NTM: variants seen among roughly 807,000 people sequenced by gnomAD.
NTM encodes neurotrimin.
A neutral mutation model predicts 42.1 loss-of-function variants in NTM; 13 were observed. The ratio of observed to expected loss-of-function variants is 0.31; its 90% CI spans 0.20 to 0.49. The LOEUF is 0.49. Among genes scored for constraint, NTM ranks in the 20% least tolerant of loss-of-function variants. The probability of loss-of-function intolerance (pLI) is 0.99; values close to 1 mark genes in which losing one functional copy is unlikely to be tolerated. For missense variants in NTM, 373 were observed against 452.8 expected (o/e 0.82, Z 1.60); for synonymous variants, 187 against 179.2 (o/e 1.04, Z -0.35).
Position 132,297,402 on chromosome 11 carries a change from T to G in NTM, c.527-10287T>G, listed in dbSNP as rs560650400. ...GGATGCTGCTTGCAAAGGGAAAGCC[T>G]GGCTTCCCTCCTCCTTCTATGTGCA... is the stretch of plus-strand genomic sequence containing the variant. On this transcript the variant is annotated intron_variant, in intron 4 of 8. Coordinates refer to ENST00000683400, the MANE Select transcript of NTM (RefSeq NM_001352005.2). Among the ~76,000 whole-genome samples the G allele has an allele frequency of 5.9e-5, 9 of 152,304 alleles. No homozygotes were observed. The South Asian group carries it at 1.7e-3, about 28-fold the overall frequency.
intron 1 of NTM, among the ~76,000 whole-genome samples, chr11:131,709,760 A>C (rs2076933436): frequency 6.6e-6 from 1 of 152,216 alleles, no homozygotes; most frequent in Admixed American, 6.5e-5. Flanking sequence ...AACCTTGAAT[A>C]AGATCCTAAA....
intron 1 of NTM, among the ~76,000 whole-genome samples, chr11:131,632,066 C>T (rs1156862712): frequency 6.6e-6 from 1 of 152,092 alleles, no homozygotes; most frequent in Non-Finnish European, 1.5e-5. Flanking sequence ...ATATAGAGTA[C>T]TTTTTAGATC....
At chr11:131,383,353 G>T (rs150565737) in intron 1 of NTM, among the ~76,000 whole-genome samples, 38 of 152,298 alleles carry the variant, frequency 2.5e-4, no homozygotes, top group African/African-American at 8.7e-4. Context: ...ACTACCACGT[G>T]GTAAGTGCTA....
intron 1 of NTM, among the ~76,000 whole-genome samples, chr11:131,543,022 C>T (rs1315770251): frequency 1.3e-5 from 2 of 152,150 alleles, no homozygotes. Context: ...CCTTCCTTGC[C>T]CACATGGTTG....
intron 1 of NTM, among the ~76,000 whole-genome samples, chr11:131,847,812 A>G (rs542587378): frequency 6.6e-6 from 1 of 152,336 alleles, no homozygotes; most frequent in South Asian, 2.1e-4. Context: ...GAAGACATGC[A>G]TATAAGGAAG....
At chr11:131,562,045 AT>A (rs1253840242) in intron 1 of NTM, among the ~76,000 whole-genome samples, 1 of 151,918 alleles carries the variant, frequency 6.6e-6, no homozygotes, top group East Asian at 1.9e-4. Flanking sequence ...ATTTTTTAGG[AT>A]TTTTTTGGTC....
At chr11:131,899,354 G>T (rs1398769593) in intron 1 of NTM, among the ~76,000 whole-genome samples, 1 of 152,122 alleles carries the variant, frequency 6.6e-6, no homozygotes, top group African/African-American at 2.4e-5. Flanking sequence ...CATAAATCAT[G>T]CACACACTTT....
intron 8 of NTM, 94 bp from the exon 9 acceptor site, chr11:132,334,951 CA>C: frequency 1.9e-6 from 3 of 1,540,408 alleles, no homozygotes; most frequent in Non-Finnish European, 1.7e-6. Context: ...GATGACTCAC[CA>C]GGGGCAAGGC....
intron 2 of NTM, among the ~76,000 whole-genome samples, chr11:132,112,680 T>G (rs1388871547): frequency 4.6e-5 from 7 of 151,274 alleles, no homozygotes; most frequent in Non-Finnish European, 2.9e-5. Context: ...GACCGAATGC[T>G]GTTTTGGTCT....
chr11:131,729,248 G>A (rs1434674947), intron 1 of NTM, among the ~76,000 whole-genome samples: 1 of 152,146 alleles, frequency 6.6e-6, no homozygotes, highest in African/African-American at 2.4e-5. Flanking sequence ...TTCGATAAGG[G>A]TTAGCCTTAG....
intron 2 of NTM, among the ~76,000 whole-genome samples, chr11:132,088,171 T>C (rs1320129378): frequency 3.3e-5 from 5 of 151,980 alleles, no homozygotes; most frequent in Non-Finnish European, 5.9e-5. Context: ...ACAGTACCAA[T>C]AAAAGGAAGG....
intron 2 of NTM, among the ~76,000 whole-genome samples, chr11:131,973,361 T>A (rs1017479681): frequency 2.0e-5 from 3 of 152,226 alleles, no homozygotes; most frequent in African/African-American, 7.2e-5. Context: ...TAGCTCTTAC[T>A]TTACAGCATG....
intron 1 of NTM, among the ~76,000 whole-genome samples, chr11:131,622,582 T>C (rs1044747865): frequency 6.6e-6 from 1 of 152,218 alleles, no homozygotes. Flanking sequence ...AAAATTTTGC[T>C]GTACACACAG....
chr11:132,068,219 T>C (rs2056815126), intron 2 of NTM, among the ~76,000 whole-genome samples: 1 of 152,234 alleles, frequency 6.6e-6, no homozygotes, highest in African/African-American at 2.4e-5. Context: ...GCTGTTAATT[T>C]CTAAATCAAG....
At chr11:131,971,984 A>G (rs9735764) in intron 2 of NTM, among the ~76,000 whole-genome samples, 40,496 of 146,864 alleles carry the variant, frequency 0.28, 6,272 homozygotes, top group African/African-American at 0.39. Context: ...CGGAGCTTGC[A>G]GTGGGCTGAG....
chr11:132,331,713 T>C (rs1592092792), intron 8 of NTM, among the ~76,000 whole-genome samples: 1 of 152,040 alleles, frequency 6.6e-6, no homozygotes, highest in Admixed American at 6.6e-5. Context: ...GGGTGGTAAG[T>C]ATTTTACTAG....
intron 2 of NTM, among the ~76,000 whole-genome samples, chr11:131,955,935 C>T (rs191878250): frequency 9.6e-4 from 147 of 152,346 alleles, no homozygotes; most frequent in African/African-American, 3.3e-3. Context: ...CTTAAGATAG[C>T]TCCATCCTTG....
chr11:132,281,091 T>G (rs533547789), intron 4 of NTM, among the ~76,000 whole-genome samples: 1 of 152,370 alleles, frequency 6.6e-6, no homozygotes, highest in South Asian at 2.1e-4. Context: ...TGGCATATGC[T>G]GCTTTGAAAG....
At chr11:132,308,689 T>C (rs1379939144) in intron 5 of NTM, among the ~76,000 whole-genome samples, 2 of 151,870 alleles carry the variant, frequency 1.3e-5, no homozygotes, top group African/African-American at 4.8e-5. Flanking sequence ...TAGGAGAATA[T>C]CCAGTCTTTC....
Sources: gnomAD v4.1 joint callset for allele counts (sites outside exome capture counted in the v4.1 genomes callset) on GRCh38, gnomAD v4.1.1 for gene constraint, MANE v1.5 for transcripts, NCBI Gene and HGNC (gene_info 2026-07-23, HGNC 2026-07-21) for gene names.